ADK: variants seen among roughly 807,000 people sequenced by gnomAD.
ADK encodes adenosine kinase.
A neutral mutation model predicts 44.7 loss-of-function variants in ADK; 24 were observed. That is an observed-to-expected ratio of 0.54 (90% confidence interval 0.39 to 0.76). The LOEUF (loss-of-function observed/expected upper bound fraction) is 0.76, where lower values mean the gene tolerates loss of function less well. Ranked by LOEUF, ADK falls within the 30% of genes least tolerant of loss-of-function variation. The pLI, the probability that ADK is intolerant of heterozygous loss-of-function variation, is 0.00. For missense variants in ADK, 321 were observed against 425.1 expected, an observed-to-expected ratio of 0.76 and a Z score of 2.15; for synonymous variants, 128 against 142.6, an observed-to-expected ratio of 0.90 and a Z score of 0.73.
In ADK at chr10:74,708,604, A is replaced by T. The variant is rs552832469; in HGVS notation, c.*159A>T. The T allele has an allele frequency of 5.3e-6, 4 of 761,244 alleles. No homozygotes were observed. The highest frequency in any genetic ancestry group is 2.8e-5 in the Admixed American group (1 of 36,134). The allele number at this position is 761,244 out of a possible 1,614,324, so 47.2% of individuals were successfully genotyped here. ...GGTACAAGGGTATGGTAATGCTTGTAGAATCTTTATTATCTCAACAATCTA... is the reference window on the plus strand; with the variant it reads ...GGTACAAGGGTATGGTAATGCTTGTTGAATCTTTATTATCTCAACAATCTA... On this transcript the variant is annotated 3_prime_UTR_variant, in exon 11 of 11. Transcript: ENST00000539909.
intron 7 of ADK, chr10:74,551,511 G>C (rs1160856826): frequency 6.6e-6 from 1 of 152,164 alleles, no homozygotes; most frequent in African/African-American, 2.4e-5. Context: ...CAATTTTTCA[G>C]GAAAAATAAG....
rs1554836801 is a variant in ADK, at chr10:74,274,732, G to GTGTATATATATATATATATATATATATA, written c.195-39934_195-39933insGTATATATATATATATATATATATATAT. On this transcript the variant is annotated intron_variant, in intron 3 of 10. Transcript: ENST00000539909. The stretch of plus-strand genomic sequence containing the variant: ...TAGTAGGAGAAAAATTTTAATGTGT[G>GTGTATATATATATATATATATATATATA]TATATATATATATATACACACACAC... Among the ~76,000 whole-genome samples the GTGTATATATATATATATATATATATATA allele has an allele frequency of 4.4e-3, 370 of 84,058 alleles. 35 individuals carry two copies. Among genetic ancestry groups the GTGTATATATATATATATATATATATATA allele is most frequent in the Admixed American group, 4.9e-3 (37 of 7,504 alleles). 55.1% of individuals were successfully genotyped at this position (84,058 alleles called of 152,430 possible).
intron 7 of ADK, among the ~76,000 whole-genome samples, chr10:74,566,376 T>C (rs1234464943): frequency 6.6e-6 from 1 of 151,812 alleles, no homozygotes; most frequent in Non-Finnish European, 1.5e-5. Flanking sequence ...CCGGCTATGT[T>C]TTTGATGTCT....
intron 1 of ADK, among the ~76,000 whole-genome samples, chr10:74,191,566 A>T (rs552547767): frequency 6.6e-6 from 1 of 152,108 alleles, no homozygotes; most frequent in African/African-American, 2.4e-5. Flanking sequence ...CATTTTTAAT[A>T]TATCTGTTTT....
chr10:74,562,474 T>C (rs370722588), intron 7 of ADK, among the ~76,000 whole-genome samples: 4 of 152,334 alleles, frequency 2.6e-5, no homozygotes, highest in African/African-American at 9.6e-5. Flanking sequence ...ACACTTTCAC[T>C]GATTAGCAGT....
chr10:74,255,017 A>G (rs1845777078), intron 3 of ADK, among the ~76,000 whole-genome samples: 1 of 152,232 alleles, frequency 6.6e-6, no homozygotes, highest in African/African-American at 2.4e-5. Flanking sequence ...TTAGATGAGT[A>G]AAATATTAAA....
intron 1 of ADK, among the ~76,000 whole-genome samples, chr10:74,166,590 G>A (rs1842038765): frequency 6.6e-6 from 1 of 151,258 alleles, no homozygotes; most frequent in South Asian, 2.1e-4. Context: ...AGGAGGCTGA[G>A]GTAGGAGAAT....
chr10:74,642,556 C>A (rs1225175360), intron 9 of ADK, among the ~76,000 whole-genome samples: 1 of 151,764 alleles, frequency 6.6e-6, no homozygotes, highest in African/African-American at 2.4e-5. Flanking sequence ...TAATGTAATA[C>A]CCTTAGTTGC....
rs57852507 is a variant in ADK at position 74,210,330 on chromosome 10, GAA to G, written c.140+9512_140+9513del. On this transcript the variant is annotated intron_variant, in intron 2 of 10. Transcript: ENST00000539909. ...GCGACAGAGTGAGACTCCATCTCAG[GAA>G]AAAAAAAAAAAAAAAAAAATAGAAA... Among the ~76,000 whole-genome samples the G allele has an allele frequency of 4.6e-4, 39 of 84,894 alleles. 1 individual carries two copies. Among genetic ancestry groups the G allele is most frequent in the South Asian group, 1.4e-3 (3 of 2,080 alleles). 55.7% of individuals were successfully genotyped at this position (84,894 alleles called of 152,430 possible).
intron 10 of ADK, among the ~76,000 whole-genome samples, chr10:74,687,031 G>A (rs1855821112): frequency 6.6e-6 from 1 of 152,110 alleles, no homozygotes; most frequent in African/African-American, 2.4e-5. Flanking sequence ...AAGATAATGA[G>A]TACCTATCTC....
chr10:74,167,696 C>G (rs1253884639), intron 1 of ADK, among the ~76,000 whole-genome samples: 1 of 152,174 alleles, frequency 6.6e-6, no homozygotes, highest in African/African-American at 2.4e-5. Flanking sequence ...ATAGCATCAC[C>G]TTCACTATAC....
At chr10:74,407,898 C>T (rs1844007699) in intron 6 of ADK, among the ~76,000 whole-genome samples, 1 of 151,938 alleles carries the variant, frequency 6.6e-6, no homozygotes, top group South Asian at 2.1e-4. Context: ...CTCCCTGGTC[C>T]TTCATAGTGG....
intron 10 of ADK, among the ~76,000 whole-genome samples, chr10:74,680,344 A>G (rs934878885): frequency 6.6e-6 from 1 of 151,924 alleles, no homozygotes; most frequent in Non-Finnish European, 1.5e-5. Flanking sequence ...TGATGAGTAC[A>G]GAGCAATAAG....
intron 7 of ADK, among the ~76,000 whole-genome samples, chr10:74,562,144 G>A (rs1272456113): frequency 6.6e-6 from 1 of 152,192 alleles, no homozygotes; most frequent in African/African-American, 2.4e-5. Context: ...AGAAAAGTGA[G>A]ACAGGGAAAC....
chr10:74,666,978 A>T (rs901471587), intron 9 of ADK, among the ~76,000 whole-genome samples: 4 of 151,838 alleles, frequency 2.6e-5, no homozygotes, highest in African/African-American at 9.7e-5. Flanking sequence ...TTACAGGCAC[A>T]TGCCACCATG....
At chr10:74,494,126 G>A (rs931848041) in intron 6 of ADK, among the ~76,000 whole-genome samples, 10 of 151,990 alleles carry the variant, frequency 6.6e-5, no homozygotes, top group Non-Finnish European at 1.0e-4. Context: ...AATAATATAT[G>A]TACACAGTTT....
At chr10:74,172,550 A>G (rs1842193183) in intron 1 of ADK, among the ~76,000 whole-genome samples, 1 of 152,016 alleles carries the variant, frequency 6.6e-6, no homozygotes, top group Non-Finnish European at 1.5e-5. Context: ...TCAGCCGGGT[A>G]TGGTGGCACA....
chr10:74,430,265 C>G (rs567061977), intron 6 of ADK, among the ~76,000 whole-genome samples: 1 of 152,194 alleles, frequency 6.6e-6, no homozygotes, highest in Non-Finnish European at 1.5e-5. Context: ...TCTTACAAAA[C>G]TATAGAACCA....
chr10:74,535,765 T>G (rs1468518927), intron 7 of ADK, among the ~76,000 whole-genome samples: 1 of 151,928 alleles, frequency 6.6e-6, no homozygotes, highest in Non-Finnish European at 1.5e-5. Context: ...GTATTTTTAG[T>G]AGAGATGGGG....
Sources: allele counts gnomAD v4.1 joint callset (sites outside exome capture counted in the v4.1 genomes callset), GRCh38; gene constraint gnomAD v4.1.1; transcripts MANE v1.5; gene names NCBI Gene and HGNC (gene_info 2026-07-23, HGNC 2026-07-21).